ENTPD1: variants seen among roughly 807,000 people sequenced by gnomAD.
ENTPD1 encodes the protein ectonucleoside triphosphate diphosphohydrolase 1, also known as ATP diphosphohydrolase.
A neutral mutation model predicts 57.0 loss-of-function variants in ENTPD1; 33 were observed. The ratio of observed to expected loss-of-function variants is 0.58; its 90% CI spans 0.44 to 0.77. ENTPD1 has a LOEUF of 0.77. ENTPD1 is among the 30% of genes least tolerant of loss of function. The probability of loss-of-function intolerance (pLI) is 0.00; values close to 1 mark genes in which losing one functional copy is unlikely to be tolerated. For synonymous variants in ENTPD1, 202 were observed against 218.8 expected (o/e 0.92, Z 0.68); for missense variants, 501 against 603.4 (o/e 0.83, Z 1.78).
the ENTPD1 span, among the ~76,000 whole-genome samples, chr10:95,704,751 A>G: frequency 0.44 from 67,412 of 151,874 alleles, 16,307 homozygotes; most frequent in Admixed American, 0.54. Flanking sequence ...AAAATCACTG[A>G]TAATAAAGAA....
At chr10:95,736,769 G>C (rs994298776) in intron 1 of ENTPD1, among the ~76,000 whole-genome samples, 3 of 152,212 alleles carry the variant, frequency 2.0e-5, no homozygotes, top group South Asian at 4.1e-4. Flanking sequence ...AAGTGCCTTT[G>C]AATTTATGCT....
rs77638671 is a variant in ENTPD1, at chr10:95,741,066, G to T, written c.37+29073G>T. Among the ~76,000 whole-genome samples the T allele has an allele frequency of 6.2e-4, 95 of 152,188 alleles. 3 individuals carry two copies. In the East Asian group the frequency reaches 0.017, roughly 27 times the overall value. ...CTTTTTTTAAAGAAATTTTCTTTGC[G>T]TTCATAACTTGGCTGTTTTCTGCAA... is the stretch of plus-strand genomic sequence containing the variant. On this transcript the variant is annotated intron_variant, in intron 1 of 9. Coordinates refer to the ENTPD1 transcript ENST00000453258.
intron 1 of ENTPD1, among the ~76,000 whole-genome samples, chr10:95,747,941 G>A (rs2098007811): frequency 1.3e-5 from 2 of 150,910 alleles, no homozygotes; most frequent in African/African-American, 4.9e-5. Context: ...GCACCATCTC[G>A]GCTCACTGCA....
chr10:95,809,320 TC>T (rs1013722119), intron 1 of ENTPD1, among the ~76,000 whole-genome samples: 12 of 141,324 alleles, frequency 8.5e-5, no homozygotes, highest in Non-Finnish European at 1.4e-4. Flanking sequence ...GCCCCCCACA[TC>T]CCAGATGGGG....
chr10:95,788,624 AG>A (rs2098190525), intron 1 of ENTPD1, among the ~76,000 whole-genome samples: 1 of 139,424 alleles, frequency 7.2e-6, no homozygotes, highest in Non-Finnish European at 1.5e-5. Flanking sequence ...CCAAAAAAAA[AG>A]AAAAAAAAGA....
intron 1 of ENTPD1, among the ~76,000 whole-genome samples, chr10:95,779,205 A>G (rs2098146367): frequency 6.6e-6 from 1 of 152,174 alleles, no homozygotes; most frequent in African/African-American, 2.4e-5. Flanking sequence ...TGCCCTGTAG[A>G]CCATAGAGAT....
intron 1 of ENTPD1, among the ~76,000 whole-genome samples, chr10:95,715,403 T>G (rs571333269): frequency 6.6e-6 from 1 of 152,214 alleles, no homozygotes; most frequent in Non-Finnish European, 1.5e-5. Flanking sequence ...TAGCAGCTAT[T>G]TGTGCATGCT....
At chr10:95,806,803 G>A (rs1231146476) in intron 1 of ENTPD1, among the ~76,000 whole-genome samples, 2 of 152,204 alleles carry the variant, frequency 1.3e-5, no homozygotes, top group Non-Finnish European at 2.9e-5. Context: ...CTGTTTGTCT[G>A]GGTATCACCA....
chr10:95,852,912 A>C (rs1393031039), intron 7 of ENTPD1, among the ~76,000 whole-genome samples: 1 of 152,098 alleles, frequency 6.6e-6, no homozygotes, highest in East Asian at 1.9e-4. Context: ...TTGGCAATGC[A>C]GGCTCTTTTT....
At chr10:95,765,687 A>G (rs1351744669) in intron 1 of ENTPD1, among the ~76,000 whole-genome samples, 2 of 152,182 alleles carry the variant, frequency 1.3e-5, no homozygotes, top group African/African-American at 2.4e-5. Flanking sequence ...TAACTTCCAT[A>G]TGAATTTTAA....
intron 1 of ENTPD1, among the ~76,000 whole-genome samples, chr10:95,764,108 C>T (rs965668108): frequency 1.3e-5 from 2 of 152,162 alleles, no homozygotes; most frequent in Non-Finnish European, 2.9e-5. Context: ...AACATTTTAT[C>T]ACCCTGAAAA....
intron 1 of ENTPD1, among the ~76,000 whole-genome samples, chr10:95,760,869 G>A (rs1217340070): frequency 4.2e-5 from 5 of 118,596 alleles, no homozygotes; most frequent in African/African-American, 1.3e-4. Flanking sequence ...TCGCTTTGTC[G>A]CCCAGGCTGG....
chr10:95,849,924 T>G (rs1255709538), intron 7 of ENTPD1, among the ~76,000 whole-genome samples: 2 of 152,196 alleles, frequency 1.3e-5, no homozygotes, highest in Non-Finnish European at 2.9e-5. Flanking sequence ...ACTGCGAGGA[T>G]GTAAATCTAA....
At chr10:95,704,026 G>C in the ENTPD1 span, among the ~76,000 whole-genome samples, 1 of 152,000 alleles carries the variant, frequency 6.6e-6, no homozygotes, top group Middle Eastern at 3.2e-3. Context: ...GGGAGGCAGA[G>C]ATTGCAGTGA....
chr10:95,743,161 G>A (rs573172900), intron 1 of ENTPD1, among the ~76,000 whole-genome samples: 2 of 152,094 alleles, frequency 1.3e-5, no homozygotes, highest in Admixed American at 1.3e-4. Context: ...TTTGATGACC[G>A]TAGCAGTTTT....
rs1490404960 is a variant in ENTPD1 at position 95,756,246 on chromosome 10, G to A, written c.7G>A (p.Asp3Asn). The stretch of plus-strand genomic sequence containing the variant: ...AAAACAAAAGCTGCTACTTATGGAA[G>A]ATACAAAGGGTAAGACCAAAATTGA... ME[D>N]TKESNVKTFC... Residue 3 changes from aspartate (D) to asparagine (N), a missense_variant, in exon 1 of 10, where the codon GAT becomes AAT. Physicochemically the swap from Asp to Asn is conservative, Grantham distance 23. Coordinates refer to ENST00000371205, the MANE Select transcript of ENTPD1 (RefSeq NM_001776.6). 2 of 1,593,830 alleles carry A rather than the reference G, an allele frequency of 1.3e-6. No homozygotes were observed. The highest frequency in any genetic ancestry group is 2.7e-5 in the African/African-American group (2 of 74,008).
At chr10:95,796,153 C>G (rs997467714) in intron 1 of ENTPD1, among the ~76,000 whole-genome samples, 5 of 152,202 alleles carry the variant, frequency 3.3e-5, no homozygotes, top group African/African-American at 1.2e-4. Context: ...ATCCATTTCA[C>G]TCATTCAACT....
At chr10:95,701,964 A>G in the ENTPD1 span, among the ~76,000 whole-genome samples, 1 of 152,206 alleles carries the variant, frequency 6.6e-6, no homozygotes, top group South Asian at 2.1e-4. Flanking sequence ...TTTTTTAAAA[A>G]GAAATATTTA....
intron 7 of ENTPD1, among the ~76,000 whole-genome samples, chr10:95,856,790 T>TA (rs1449109094): frequency 6.6e-6 from 1 of 150,444 alleles, no homozygotes; most frequent in Non-Finnish European, 1.5e-5. Flanking sequence ...AGCAGTATTA[T>TA]AAAAAATTTG....
Sources: gnomAD v4.1 joint callset for allele counts (sites outside exome capture counted in the v4.1 genomes callset) on GRCh38, gnomAD v4.1.1 for gene constraint, MANE v1.5 for transcripts, NCBI Gene and HGNC (gene_info 2026-07-23, HGNC 2026-07-21) for gene names.